TEF: variants seen among roughly 807,000 people sequenced by gnomAD.
TEF encodes the protein TEF transcription factor, PAR bZIP family member.
A neutral mutation model predicts 20.8 loss-of-function variants in TEF; 3 were observed. That is an observed-to-expected ratio of 0.14 (90% CI 0.07 to 0.37). The LOEUF (loss-of-function observed/expected upper bound fraction) is 0.37, where lower values mean the gene tolerates loss of function less well. Among genes scored for constraint, TEF ranks in the 10% least tolerant of loss-of-function variants. The probability of loss-of-function intolerance (pLI) is 1.00; values close to 1 mark genes in which losing one functional copy is unlikely to be tolerated. For synonymous variants in TEF, 180 were observed against 171.1 expected, an observed-to-expected ratio of 1.05 and a Z score of -0.41; for missense variants, 296 against 397.9, an observed-to-expected ratio of 0.74 and a Z score of 2.18.
At chr22:41,370,015 T>A in intron 1 of TEF, 1 of 985,382 alleles carries the variant, frequency 1.0e-6, no homozygotes. Context: ...GGGAGGGAAG[T>A]GTACAGGAAA....
upstream of TEF, among the ~76,000 whole-genome samples, chr22:41,380,623 T>G (rs560125235): frequency 6.6e-6 from 1 of 152,336 alleles, no homozygotes; most frequent in Non-Finnish European, 1.5e-5. Context: ...CCAAGCTCTC[T>G]GCCTTCCGGG....
intron 1 of TEF, chr22:41,369,308 GC>G: frequency 1.1e-6 from 1 of 946,040 alleles, no homozygotes; most frequent in Non-Finnish European, 1.3e-6. Context: ...ATAGGGGACC[GC>G]CCAAGGTTTC....
At chr22:41,377,336 G>A (rs1363547331), upstream of TEF, 2 of 152,206 alleles carry the variant, frequency 1.3e-5, no homozygotes, top group South Asian at 2.1e-4. Flanking sequence ...ATGTTGCCCA[G>A]GCTGGGCTAC....
chr22:41,395,630 C>G (rs1245502280), intron 3 of TEF, 115 bp from the exon 4 acceptor site: 1 of 1,055,706 alleles, frequency 9.5e-7, no homozygotes, highest in African/African-American at 1.6e-5. Context: ...CCTGGTATCC[C>G]TGCTTTAGCT....
In TEF at chr22:41,397,835, A is replaced by C. The variant is rs931912059; in HGVS notation, c.*1875A>C. ...GTGGATCACCAAGAGGGCGGTTCTCATTTTGTTATTAGTGGAAGAGCCTTG... is the reference window on the plus strand; with the variant it reads ...GTGGATCACCAAGAGGGCGGTTCTCCTTTTGTTATTAGTGGAAGAGCCTTG... On this transcript the variant is annotated 3_prime_UTR_variant, in exon 4 of 4. Transcript: ENST00000266304. The C allele has an allele frequency of 6.6e-5, 10 of 152,128 alleles. No individual in the cohort carries two copies. The highest frequency in any genetic ancestry group is 1.5e-4 in the Non-Finnish European group (10 of 68,024). 9.4% of individuals were successfully genotyped at this position (152,128 alleles called of 1,614,324 possible).
intron 1 of TEF, 106 bp downstream of exon 1, chr22:41,382,307 C>T (rs2037041268): frequency 4.0e-6 from 4 of 994,834 alleles, no homozygotes; most frequent in Non-Finnish European, 5.1e-6. Flanking sequence ...AGCAGTGGTC[C>T]AGCGGAGGGG....
At chr22:41,372,814 G>C (rs1379209847) in intron 1 of TEF, among the ~76,000 whole-genome samples, 5 of 152,056 alleles carry the variant, frequency 3.3e-5, no homozygotes, top group African/African-American at 7.2e-5. Context: ...AGAGGCATTT[G>C]AACTGAGGCC....
chr22:41,367,666 A>C (rs1036568613), intron 1 of TEF: 154 of 1,478,696 alleles, frequency 1.0e-4, no homozygotes, highest in Admixed American at 4.2e-4. Flanking sequence ...GGGCAGCCAC[A>C]GGCACAGTGG....
intron 3 of TEF, among the ~76,000 whole-genome samples, chr22:41,394,999 GTTTGTTTTTGT>G: frequency 6.6e-6 from 1 of 151,920 alleles, no homozygotes; most frequent in Non-Finnish European, 1.5e-5. Context: ...TTTTTGTTTT[GTTTGTTTTTGT>G]TTTGTTTTGT....
At chr22:41,386,206 A>G (rs898946089) in intron 1 of TEF, among the ~76,000 whole-genome samples, 1 of 152,194 alleles carries the variant, frequency 6.6e-6, no homozygotes, top group Non-Finnish European at 1.5e-5. Context: ...TGGGAGGCCA[A>G]GGCAGGTGGA....
chr22:41,386,710 G>A (rs1050512675), intron 1 of TEF, among the ~76,000 whole-genome samples: 1 of 151,444 alleles, frequency 6.6e-6, no homozygotes, highest in African/African-American at 2.4e-5. Flanking sequence ...GCCATTGTAA[G>A]CCAGCCGAAG....
At chr22:41,381,737 C>A (rs2037026366), upstream of TEF, among the ~76,000 whole-genome samples, 1 of 150,810 alleles carries the variant, frequency 6.6e-6, no homozygotes, top group South Asian at 2.1e-4. Flanking sequence ...CGAGGGTCCT[C>A]ACCTGGCCCC....
At chr22:41,370,214 A>G in intron 1 of TEF, 1 of 543,960 alleles carries the variant, frequency 1.8e-6, no homozygotes, top group Non-Finnish European at 2.3e-6. Context: ...TCCTGGGTTC[A>G]AGCAATTCTC....
chr22:41,383,328 C>T (rs1254173164), intron 1 of TEF, among the ~76,000 whole-genome samples: 2 of 152,118 alleles, frequency 1.3e-5, no homozygotes, highest in Non-Finnish European at 2.9e-5. Context: ...TGCACAAACC[C>T]TTTTGTTTGT....
chr22:41,367,513 G>T (rs745997962), exon 1 of TEF: 38 of 1,550,464 alleles, frequency 2.5e-5, no homozygotes, highest in Middle Eastern at 1.7e-4. Flanking sequence ...AGCTGCGACT[G>T]GTTCTCAGTG....
chr22:41,374,017 C>T (rs1165354804), intron 1 of TEF, among the ~76,000 whole-genome samples: 1 of 152,118 alleles, frequency 6.6e-6, no homozygotes, highest in African/African-American at 2.4e-5. Context: ...CTGTCTCAGC[C>T]TCCCAAAGAG....
At chr22:41,371,429 AG>A (rs983542606) in intron 1 of TEF, among the ~76,000 whole-genome samples, 3 of 152,182 alleles carry the variant, frequency 2.0e-5, no homozygotes, top group African/African-American at 7.2e-5. Flanking sequence ...GGAAGAGAGC[AG>A]GGGGCTTATG....
At position 41,393,182 on chromosome 22, in the gene TEF, T is replaced by C. The variant is rs551619778; in HGVS notation, c.476-914T>C. Reference sequence around the variant, plus strand: ...ATAATGAAACCCTGTCTCTAAAAAATAAAAAAAAATTAGCCAGGCGTGTTG... The same window carrying C: ...ATAATGAAACCCTGTCTCTAAAAAACAAAAAAAAATTAGCCAGGCGTGTTG... On this transcript the variant is annotated intron_variant, in intron 2 of 3. Transcript: ENST00000266304. Among the ~76,000 whole-genome samples the C allele has an allele frequency of 6.1e-5, 9 of 146,984 alleles. No individual in the cohort carries two copies. In the South Asian group the frequency reaches 2.0e-3, roughly 32 times the overall value.
chr22:41,370,059 T>C (rs1197888332), intron 1 of TEF: 1 of 984,804 alleles, frequency 1.0e-6, no homozygotes, highest in Non-Finnish European at 1.2e-6. Context: ...AGGTGTGCTC[T>C]CCCCATGCTC....
Sources: gnomAD v4.1 joint callset for allele counts (sites outside exome capture counted in the v4.1 genomes callset) on GRCh38, gnomAD v4.1.1 for gene constraint, MANE v1.5 for transcripts, NCBI Gene and HGNC (gene_info 2026-07-23, HGNC 2026-07-21) for gene names.